The following FRMPD4 variants were observed in gnomAD, a reference collection of about 807,000 sequenced individuals.
FRMPD4 encodes the protein FERM and PDZ domain-containing protein 4.
In FRMPD4, 22 loss-of-function variants were observed where a neutral mutation model predicts 94.1. The observed-to-expected ratio is 0.23, with a 90% CI of 0.17 to 0.33. The LOEUF (loss-of-function observed/expected upper bound fraction) is 0.33. Ranked by LOEUF, FRMPD4 falls within the 10% of genes least tolerant of loss-of-function variation. The pLI is 1.00. For missense variants in FRMPD4, 1,111 were observed against 1,339.9 expected (o/e 0.83, Z 2.67); for synonymous variants, 631 against 548.6 (o/e 1.15, Z -2.10).
At chrX:12,349,765 T>C (rs1015867421) in intron 1 of FRMPD4, among the ~76,000 whole-genome samples, 6 of 111,837 alleles carry the variant, frequency 5.4e-5, no homozygotes, top group Non-Finnish European at 9.4e-5. Flanking sequence ...TTCAATAATT[T>C]ATATAACATT....
chrX:12,470,364 T>C (rs1353698562), intron 1 of FRMPD4, among the ~76,000 whole-genome samples: 1 of 111,969 alleles, frequency 8.9e-6, no homozygotes, highest in African/African-American at 3.2e-5. Flanking sequence ...ATTTAATAAA[T>C]ACAGTTACAG....
At chrX:11,963,815 G>A (rs1162809557) in intron 3 of FRMPD4, among the ~76,000 whole-genome samples, 1 of 111,682 alleles carries the variant, frequency 9.0e-6, no homozygotes, top group African/African-American at 3.3e-5. Context: ...GGAGTAAGTT[G>A]ACAGATTATA....
rs916291973 is a variant in FRMPD4 at position 11,895,580 on chromosome X, A to C, written c.95+17562A>C. ...TCAGCAAATTTTTTTTGAACTTCAA[A>C]ATTCAGCAGTTAAATGAGATGGAAA... On this transcript the variant is annotated intron_variant, in intron 3 of 18. Coordinates refer to the FRMPD4 transcript ENST00000640291. 4.5e-5 allele frequency among the ~76,000 whole-genome samples: 5 copies of C among 112,011 alleles called. No individual in the cohort carries two copies. In the Admixed American group the frequency reaches 4.7e-4, roughly 11 times the overall value.
At chrX:12,347,046 T>C (rs1346954776) in intron 1 of FRMPD4, among the ~76,000 whole-genome samples, 1 of 111,591 alleles carries the variant, frequency 9.0e-6, no homozygotes, top group Non-Finnish European at 1.9e-5. Flanking sequence ...GGGAATGTTG[T>C]GTTTAATTAT....
chrX:12,661,172 G>C (rs969828521), intron 4 of FRMPD4, among the ~76,000 whole-genome samples: 1 of 112,174 alleles, frequency 8.9e-6, no homozygotes, highest in Admixed American at 9.5e-5. Flanking sequence ...AGATTCAAGG[G>C]GAGGAGACTA....
At chrX:12,100,259 A>C (rs760460586) in intron 3 of FRMPD4, among the ~76,000 whole-genome samples, 2 of 112,210 alleles carry the variant, frequency 1.8e-5, no homozygotes, top group South Asian at 7.4e-4. Context: ...AATTGTTCTT[A>C]ACAGCAATAA....
In FRMPD4 at chrX:12,609,702, G is replaced by C; in HGVS notation, c.159-19G>C. On this transcript the variant is annotated intron_variant, in intron 2 of 16. Coordinates refer to ENST00000675598, the MANE Select transcript of FRMPD4 (RefSeq NM_001368397.1). ...CATACATTGATGCCTTGTTTCTCTTGTATGTGCTTTCTCCACAGTCACATG... is the reference window on the plus strand; with the variant it reads ...CATACATTGATGCCTTGTTTCTCTTCTATGTGCTTTCTCCACAGTCACATG... 1 of 1,191,374 alleles carries C rather than the reference G, an allele frequency of 8.4e-7. No homozygotes were observed.
chrX:12,164,445 C>T (rs1010584445), intron 1 of FRMPD4, among the ~76,000 whole-genome samples: 2 of 112,265 alleles, frequency 1.8e-5, no homozygotes, highest in Non-Finnish European at 3.8e-5. Flanking sequence ...TCCAGTCTAT[C>T]GTTGTTGGAC....
rs766885889 is a variant in FRMPD4 at position 12,437,474 on chromosome X, G to A, written c.42-61206G>A. ...TTCCTTCTTTTTTTCCTTTCAGTTA[G>A]GCTGGGATAGTCCTAACTCCTGCTG... On this transcript the variant is annotated intron_variant, in intron 1 of 16. Transcript: ENST00000675598. Among the ~76,000 whole-genome samples, 8 of 109,026 alleles carry A rather than the reference G, an allele frequency of 7.3e-5. No homozygotes were observed. In the South Asian group the frequency reaches 2.8e-3, roughly 38 times the overall value. The allele number at this position is 109,026 out of a possible 115,157, so 94.7% of individuals were successfully genotyped here. A position where few individuals can be genotyped will look rare whatever the true frequency, so the allele number is the denominator to read the frequency against.
intron 3 of FRMPD4, among the ~76,000 whole-genome samples, chrX:12,014,577 G>T (rs145861025): frequency 0.012 from 1,312 of 111,605 alleles, 5 homozygotes; most frequent in South Asian, 0.018. Context: ...ATTATGGGAA[G>T]CAAGCAAGCA....
At chrX:12,644,426 G>A (rs982708174) in intron 4 of FRMPD4, among the ~76,000 whole-genome samples, 1 of 111,683 alleles carries the variant, frequency 9.0e-6, no homozygotes, top group African/African-American at 3.3e-5. Flanking sequence ...TTGGGCTCTT[G>A]TCACCGTAGC....
intron 4 of FRMPD4, among the ~76,000 whole-genome samples, chrX:12,654,018 A>G (rs146030721): frequency 0.031 from 3,469 of 111,428 alleles, 141 homozygotes; most frequent in African/African-American, 0.11. Flanking sequence ...TGATTTGCCC[A>G]CCTCGGCCTC....
At chrX:12,559,653 G>A (rs867153413) in intron 2 of FRMPD4, among the ~76,000 whole-genome samples, 21 of 95,308 alleles carry the variant, frequency 2.2e-4, no homozygotes, top group African/African-American at 3.1e-4. Flanking sequence ...CCGTCTCAAG[G>A]AAAAAAAAAA....
intron 1 of FRMPD4, among the ~76,000 whole-genome samples, chrX:12,299,359 G>A (rs1367743813): frequency 9.1e-6 from 1 of 110,370 alleles, no homozygotes; most frequent in East Asian, 2.8e-4. Context: ...AGAATGAAAA[G>A]TTATCCCATG....
chrX:11,886,539 A>G (rs887765883), intron 3 of FRMPD4, among the ~76,000 whole-genome samples: 3 of 111,406 alleles, frequency 2.7e-5, no homozygotes, highest in Non-Finnish European at 5.7e-5. Context: ...ATTGTTATCC[A>G]GTATTACAGA....
chrX:12,042,117 T>C (rs1408666145), intron 3 of FRMPD4, among the ~76,000 whole-genome samples: 1 of 111,412 alleles, frequency 9.0e-6, no homozygotes, highest in Non-Finnish European at 1.9e-5. Context: ...TTAAATATGG[T>C]TTCCTTTAGC....
intron 3 of FRMPD4, among the ~76,000 whole-genome samples, chrX:12,042,658 C>T (rs932651103): frequency 1.3e-4 from 14 of 111,275 alleles, no homozygotes; most frequent in Admixed American, 4.8e-4. Flanking sequence ...CTCCACTGGG[C>T]CCTTTCATTT....
At chrX:11,965,033 A>G (rs762207048) in intron 3 of FRMPD4, among the ~76,000 whole-genome samples, 2 of 112,275 alleles carry the variant, frequency 1.8e-5, no homozygotes, top group Non-Finnish European at 3.8e-5. Flanking sequence ...AGTTTTATGG[A>G]TTGTTGTGAT....
intron 3 of FRMPD4, among the ~76,000 whole-genome samples, chrX:11,978,392 C>T (rs1434605004): frequency 9.6e-6 from 1 of 104,480 alleles, no homozygotes; most frequent in Non-Finnish European, 1.9e-5. Context: ...GGTTGGGGGG[C>T]CTTAGAATTT....
Sources: allele counts gnomAD v4.1 joint callset (sites outside exome capture counted in the v4.1 genomes callset), GRCh38; gene constraint gnomAD v4.1.1; transcripts MANE v1.5; gene names NCBI Gene and HGNC (gene_info 2026-07-23, HGNC 2026-07-21).